SNX31: variants seen among roughly 807,000 people sequenced by gnomAD.
SNX31 encodes sorting nexin 31.
SNX31 carries 58 observed loss-of-function variants against 65.4 expected under a neutral mutation model. The observed-to-expected ratio is 0.89, with a 90% CI of 0.72 to 1.10. The LOEUF (loss-of-function observed/expected upper bound fraction) is 1.10. SNX31 is among the 50% of genes least tolerant of loss of function. The pLI, the probability that SNX31 is intolerant of heterozygous loss-of-function variation, is 0.00. For synonymous variants in SNX31, 181 were observed against 190.1 expected (o/e 0.95, Z 0.39); for missense variants, 523 against 529.7 (o/e 0.99, Z 0.12).
At chr8:100,593,324 G>A (rs1238218599) in intron 10 of SNX31, among the ~76,000 whole-genome samples, 30 of 152,056 alleles carry the variant, frequency 2.0e-4, no homozygotes, top group Admixed American at 2.0e-3. Context: ...TTTTGACAAA[G>A]GTATATAAAT....
At position 100,584,112 on chromosome 8, in the gene SNX31, A is replaced by G; in HGVS notation, c.1169T>C (p.Met390Thr). 1 of 1,603,752 alleles carries G rather than the reference A, an allele frequency of 6.2e-7. No homozygotes were observed. The stretch of plus-strand genomic sequence containing the variant: ...ATAGACACAGATAAGAGCACTCACC[A>G]TTTCTGTATTCTCAGCAGCTAGCTT... ...MVKLAAENTE[M>T]QIEVPEQSKS... Residue 390 changes from methionine (M) to threonine (T), a missense_variant and splice_region_variant, in exon 12 of 14, where the codon ATG becomes ACG. Met to Thr is a moderately conservative substitution (Grantham distance 81, BLOSUM62 -1). Transcript: ENST00000311812.
At chr8:100,606,364 A>G (rs906174289) in intron 8 of SNX31, among the ~76,000 whole-genome samples, 1 of 152,258 alleles carries the variant, frequency 6.6e-6, no homozygotes, top group African/African-American at 2.4e-5. Flanking sequence ...ATTCATGTAT[A>G]GTACGGAATG....
rs1201647424 is a variant in SNX31 at position 100,656,363 on chromosome 8, G to C, written c.-58+6779C>G. On this transcript the variant is annotated intron_variant, in intron 1 of 5. Coordinates refer to the SNX31 transcript ENST00000520352. ...AAAAATAAATAAATAAAAACAGCCA[G>C]ACATGGTGACTTACACCTGTAATTC... 2.6e-5 allele frequency among the ~76,000 whole-genome samples: 4 copies of C among 151,874 alleles called. No individual in the cohort carries two copies. The East Asian group carries it at 7.7e-4, about 29-fold the overall frequency.
chr8:100,649,238 A>G (rs1419147296), intron 2 of SNX31, 36 bp downstream of exon 2: 40 of 1,600,428 alleles, frequency 2.5e-5, no homozygotes, highest in Non-Finnish European at 3.3e-5. Context: ...CACCTGTCTC[A>G]GTGGATGGGC....
Position 100,648,982 on chromosome 8 carries a change from A to T in SNX31, c.141+292T>A, listed in dbSNP as rs544293190. ...CCCAGCATAGCCCCAGCGCCCTGCC[A>T]GGCGGCGCTAGCGGGGATCACCCGG... On this transcript the variant is annotated intron_variant, in intron 2 of 13. Coordinates refer to ENST00000311812, the MANE Select transcript of SNX31 (RefSeq NM_152628.4). This position sits in a 1 kb window ranked among gnomAD's most constrained non-coding sequence, Gnocchi z 4.3. Among the ~76,000 whole-genome samples, 3 of 152,356 alleles carry T rather than the reference A, an allele frequency of 2.0e-5. No individual in the cohort carries two copies. The South Asian group carries it at 6.2e-4, about 32-fold the overall frequency.
intron 4 of SNX31, among the ~76,000 whole-genome samples, chr8:100,628,323 A>G (rs1818182484): frequency 1.3e-5 from 2 of 152,214 alleles, no homozygotes; most frequent in South Asian, 4.1e-4. Flanking sequence ...CATAATAGCA[A>G]AGACTTGGAA....
At chr8:100,595,320 T>G (rs1814980963) in intron 10 of SNX31, among the ~76,000 whole-genome samples, 1 of 151,564 alleles carries the variant, frequency 6.6e-6, no homozygotes, top group South Asian at 2.1e-4. Context: ...TGTTGTTTTT[T>G]TTTTTTTTTC....
At chr8:100,640,418 G>A (rs116718945) in intron 2 of SNX31, among the ~76,000 whole-genome samples, 3,648 of 152,226 alleles carry the variant, frequency 0.024, 149 homozygotes, top group African/African-American at 0.083. Context: ...GAGCCACCAC[G>A]CCCAGCCATA....
intron 7 of SNX31, 30 bp from the exon 8 acceptor site, chr8:100,608,593 C>T (rs1326895640): frequency 6.2e-7 from 1 of 1,610,006 alleles, no homozygotes; most frequent in Non-Finnish European, 8.5e-7. Context: ...GAAATTCATT[C>T]CTGTGACATG....
chr8:100,595,064 T>C (rs1814943363), intron 10 of SNX31, among the ~76,000 whole-genome samples: 1 of 152,228 alleles, frequency 6.6e-6, no homozygotes, highest in African/African-American at 2.4e-5. Context: ...TTGATATTTA[T>C]AGAATGTTCT....
chr8:100,659,723 T>C (rs1809745773), intron 1 of SNX31, among the ~76,000 whole-genome samples: 1 of 152,180 alleles, frequency 6.6e-6, no homozygotes, highest in Non-Finnish European at 1.5e-5. Flanking sequence ...CAAAGAGTAA[T>C]TACTGTTTGT....
intron 4 of SNX31, among the ~76,000 whole-genome samples, chr8:100,628,720 C>T (rs1035931527): frequency 6.6e-6 from 1 of 151,780 alleles, no homozygotes; most frequent in African/African-American, 2.4e-5. Context: ...TGCACATGTA[C>T]CCTAAAACTT....
At chr8:100,601,902 C>T (rs1319406257) in intron 8 of SNX31, among the ~76,000 whole-genome samples, 1 of 152,094 alleles carries the variant, frequency 6.6e-6, no homozygotes, top group Non-Finnish European at 1.5e-5. Flanking sequence ...CCTGAGCAGG[C>T]ACCTTTTCCT....
rs964917852 is a variant in SNX31, at chr8:100,576,984, T to C, written c.1227+35A>G. The C allele has an allele frequency of 1.3e-6, 2 of 1,526,590 alleles. No individual in the cohort carries two copies. Among genetic ancestry groups the C allele is most frequent in the Non-Finnish European group, 1.8e-6 (2 of 1,109,004 alleles). 94.6% of individuals were successfully genotyped at this position (1,526,590 alleles called of 1,614,324 possible). ...GAAAAAAGATCAGATTTATCAAAAT[T>C]ATAATGTACCAATTACATAATTTTA... On this transcript the variant is annotated intron_variant, in intron 13 of 13. Transcript: ENST00000311812. This position sits in a 1 kb window ranked among gnomAD's most constrained non-coding sequence, Gnocchi z 4.8.
At chr8:100,618,980 A>G (rs1038279886) in intron 4 of SNX31, 1 of 151,996 alleles carries the variant, frequency 6.6e-6, no homozygotes, top group African/African-American at 2.4e-5. Flanking sequence ...TGGTGACGAA[A>G]CTCAATCTCC....
intron 2 of SNX31, among the ~76,000 whole-genome samples, chr8:100,637,005 G>C (rs1389111619): frequency 6.6e-6 from 1 of 152,172 alleles, no homozygotes; most frequent in Admixed American, 6.5e-5. Context: ...ACAGGCGTGA[G>C]CCACCACACC....
chr8:100,649,678 G>C (rs1423662046), upstream of SNX31: 7 of 582,930 alleles, frequency 1.2e-5, no homozygotes, highest in Non-Finnish European at 2.0e-5. Context: ...AGGTGGGGCC[G>C]GGGCCGGGCC....
intron 3 of SNX31, among the ~76,000 whole-genome samples, chr8:100,633,612 C>T (rs1818556705): frequency 6.6e-6 from 1 of 151,992 alleles, no homozygotes; most frequent in African/African-American, 2.4e-5. Context: ...GCCATGTAGG[C>T]CGGGCTGGTC....
chr8:100,655,211 A>C (rs12545565), intron 1 of SNX31, among the ~76,000 whole-genome samples: 54,815 of 152,030 alleles, frequency 0.36, 10,368 homozygotes, highest in Admixed American at 0.45. Context: ...AGGAGCAGGG[A>C]GGGAAAGGCT....
Sources: gnomAD v4.1 joint callset for allele counts (sites outside exome capture counted in the v4.1 genomes callset) on GRCh38, gnomAD v4.1.1 for gene constraint, Gnocchi (gnomAD v3.1) non-coding constraint, MANE v1.5 for transcripts, NCBI Gene and HGNC (gene_info 2026-07-23, HGNC 2026-07-21) for gene names.